The following TENM4 variants were observed in gnomAD, a reference collection of about 807,000 sequenced individuals.
TENM4 encodes teneurin transmembrane protein 4, also known as teneurin-4.
In TENM4, 82 loss-of-function variants were observed where a neutral mutation model predicts 243.3. That is an observed-to-expected ratio of 0.34 (90% CI 0.28 to 0.40). The LOEUF is 0.40. Among genes scored for constraint, TENM4 ranks in the 10% least tolerant of loss-of-function variants. The pLI is 1.00. For synonymous variants in TENM4, 1,412 were observed against 1,456.3 expected (o/e 0.97, Z 0.69); for missense variants, 3,138 against 3,673.3 (o/e 0.85, Z 3.77).
chr11:79,328,176 T>G (rs1356762755), intron 1 of TENM4, among the ~76,000 whole-genome samples: 6 of 152,220 alleles, frequency 3.9e-5, no homozygotes. Context: ...GCTCAGTATT[T>G]TGCATAGACA....
chr11:78,712,793 G>A (rs149551593), intron 25 of TENM4, 79 bp from the exon 26 acceptor site: 1 of 1,345,208 alleles, frequency 7.4e-7, no homozygotes, highest in African/African-American at 1.5e-5. Context: ...ATGAACCCCT[G>A]GCCCTTTAGA....
At chr11:78,823,949 G>A (rs1320702123) in intron 12 of TENM4, among the ~76,000 whole-genome samples, 1 of 152,080 alleles carries the variant, frequency 6.6e-6, no homozygotes, top group African/African-American at 2.4e-5. Context: ...CAACAGTTCC[G>A]TATGTAGGAA....
chr11:79,420,421 A>G (rs1858906309), intron 1 of TENM4, among the ~76,000 whole-genome samples: 1 of 152,218 alleles, frequency 6.6e-6, no homozygotes, highest in Non-Finnish European at 1.5e-5. Context: ...AGAACCCTAC[A>G]GATTCAGAAA....
intron 1 of TENM4, among the ~76,000 whole-genome samples, chr11:79,323,220 T>A (rs539647016): frequency 4.6e-5 from 7 of 152,258 alleles, no homozygotes; most frequent in Non-Finnish European, 1.0e-4. Context: ...CTTTTTCTTC[T>A]AAATCCTGAT....
intron 15 of TENM4, among the ~76,000 whole-genome samples, chr11:78,793,314 A>G (rs546139133): frequency 3.3e-5 from 5 of 152,304 alleles, no homozygotes; most frequent in Admixed American, 1.3e-4. Flanking sequence ...TGAGCAAGGA[A>G]CAGGTGCAAA....
chr11:78,938,839 A>G (rs1191823275), intron 6 of TENM4, among the ~76,000 whole-genome samples: 5 of 152,176 alleles, frequency 3.3e-5, no homozygotes, highest in Non-Finnish European at 7.3e-5. Flanking sequence ...ATGCAACTCC[A>G]AACAAGCTTG....
At position 79,156,040 on chromosome 11, in the gene TENM4, A is replaced by G. The variant is rs1214448353; in HGVS notation, c.-162-7234T>C. On this transcript the variant is annotated intron_variant, in intron 3 of 33. Coordinates refer to ENST00000278550, the MANE Select transcript of TENM4 (RefSeq NM_001098816.3). ...AAGTGTTTAAGTTATTCCCTAAGAG[A>G]GGTGAGCTTCAGTTACATAGAAAAT... Among the ~76,000 whole-genome samples, 38 of 152,128 alleles carry G rather than the reference A, an allele frequency of 2.5e-4. 1 individual carries two copies. Among genetic ancestry groups the G allele is most frequent in the Admixed American group, 2.5e-3 (38 of 15,260 alleles).
chr11:79,159,525 A>T (rs561756409), intron 3 of TENM4, among the ~76,000 whole-genome samples: 1 of 152,234 alleles, frequency 6.6e-6, no homozygotes, highest in South Asian at 2.1e-4. Context: ...CGCATCTGTA[A>T]AAAGGGGGAT....
chr11:79,372,159 GTGAT>G (rs1857801203), intron 1 of TENM4, among the ~76,000 whole-genome samples: 1 of 152,142 alleles, frequency 6.6e-6, no homozygotes, highest in Non-Finnish European at 1.5e-5. Flanking sequence ...ACCCCAGCTT[GTGAT>G]ATATATTTTG....
At chr11:78,794,703 G>A (rs556365882) in intron 15 of TENM4, among the ~76,000 whole-genome samples, 44 of 152,292 alleles carry the variant, frequency 2.9e-4, no homozygotes, top group East Asian at 1.5e-3. Context: ...ATGGACCAGC[G>A]GAAGAGCAGA....
intron 1 of TENM4, among the ~76,000 whole-genome samples, chr11:79,387,227 T>G (rs1203996930): frequency 6.6e-6 from 1 of 152,212 alleles, no homozygotes; most frequent in Non-Finnish European, 1.5e-5. Flanking sequence ...TAAGTCTGGA[T>G]AGCAGTTAAC....
At chr11:79,403,452 G>A (rs1184137173) in intron 1 of TENM4, among the ~76,000 whole-genome samples, 4 of 152,174 alleles carry the variant, frequency 2.6e-5, no homozygotes, top group African/African-American at 7.2e-5. Flanking sequence ...CCATTTTGCA[G>A]ATGAAGAAAC....
chr11:78,963,273 A>G (rs1857370326), intron 6 of TENM4, among the ~76,000 whole-genome samples: 1 of 152,214 alleles, frequency 6.6e-6, no homozygotes, highest in East Asian at 1.9e-4. Flanking sequence ...CTATAGTTCT[A>G]TGAGCAAACT....
intron 23 of TENM4, among the ~76,000 whole-genome samples, chr11:78,724,157 T>C (rs555600362): frequency 2.8e-4 from 42 of 152,138 alleles, no homozygotes; most frequent in African/African-American, 9.6e-4. Flanking sequence ...GTTCTTGACT[T>C]AACTGTAGCC....
intron 3 of TENM4, among the ~76,000 whole-genome samples, chr11:79,203,649 C>A (rs138442459): frequency 1.3e-5 from 2 of 152,152 alleles, no homozygotes; most frequent in African/African-American, 4.8e-5. Flanking sequence ...GATTCCAGGA[C>A]CCCCTGCAGG....
intron 1 of TENM4, among the ~76,000 whole-genome samples, chr11:79,421,666 G>A (rs765737777): frequency 6.6e-6 from 1 of 151,040 alleles, no homozygotes; most frequent in Non-Finnish European, 1.5e-5. Flanking sequence ...CTAAAGGAAC[G>A]GAACAAGGAA....
intron 1 of TENM4, among the ~76,000 whole-genome samples, chr11:79,379,378 T>A (rs559135265): frequency 1.3e-4 from 20 of 152,318 alleles, no homozygotes; most frequent in African/African-American, 3.8e-4. Context: ...TATAGCCGTG[T>A]TATCGGAAGA....
chr11:79,342,446 G>A (rs972418680), intron 1 of TENM4, among the ~76,000 whole-genome samples: 1 of 152,200 alleles, frequency 6.6e-6, no homozygotes, highest in African/African-American at 2.4e-5. Context: ...AGGAGGAGGC[G>A]AAGAGGGTGG....
intron 6 of TENM4, among the ~76,000 whole-genome samples, chr11:79,037,420 T>C (rs918100954): frequency 3.3e-5 from 5 of 152,238 alleles, no homozygotes; most frequent in Non-Finnish European, 5.9e-5. Flanking sequence ...GAGGGTCTAA[T>C]GAGAATCTCC....
Sources: gnomAD v4.1 joint callset for allele counts (sites outside exome capture counted in the v4.1 genomes callset) on GRCh38, gnomAD v4.1.1 for gene constraint, MANE v1.5 for transcripts, NCBI Gene and HGNC (gene_info 2026-07-23, HGNC 2026-07-21) for gene names.